The following ZNF568 variants were observed in gnomAD, a reference collection of about 807,000 sequenced individuals.
ZNF568 encodes p53 inhibitor of SCO2 activation.
Under a neutral mutation model 18.1 loss-of-function variants are expected in ZNF568, and 11 were observed. That is an observed-to-expected ratio of 0.61 (90% CI 0.38 to 1.00). The LOEUF (loss-of-function observed/expected upper bound fraction) is 1.00, where lower values mean the gene tolerates loss of function less well. Among genes scored for constraint, ZNF568 ranks in the 50% least tolerant of loss-of-function variants. The pLI is 0.01. For missense variants in ZNF568, 639 were observed against 768.2 expected, an observed-to-expected ratio of 0.83 and a Z score of 1.99; for synonymous variants, 213 against 246.6, an observed-to-expected ratio of 0.86 and a Z score of 1.28.
At chr19:36,935,121 A>G (rs776777176) in intron 4 of ZNF568, among the ~76,000 whole-genome samples, 1 of 152,046 alleles carries the variant, frequency 6.6e-6, no homozygotes, top group Non-Finnish European at 1.5e-5. Context: ...CATATTTTCT[A>G]TCTTGGAGAG....
chr19:36,922,521 G>A (rs1056141578), intron 2 of ZNF568, 65 bp from the exon 3 acceptor site: 5 of 361,404 alleles, frequency 1.4e-5, no homozygotes, highest in Non-Finnish European at 2.5e-5. Flanking sequence ...CATCTTGGAA[G>A]CTGGTTATCA....
chr19:36,977,309 T>C (rs1462701368), intron 7 of ZNF568, among the ~76,000 whole-genome samples: 3 of 152,224 alleles, frequency 2.0e-5, no homozygotes, highest in South Asian at 2.1e-4. Context: ...GGCTATAAAA[T>C]TCCAAATTTG....
intron 3 of ZNF568, among the ~76,000 whole-genome samples, chr19:36,923,187 C>T (rs1243908810): frequency 1.3e-5 from 2 of 152,112 alleles, no homozygotes; most frequent in Non-Finnish European, 2.9e-5. Context: ...TATTCACCTC[C>T]TTTTTTCTAA....
downstream of ZNF568, among the ~76,000 whole-genome samples, chr19:36,957,003 A>G (rs2074111835): frequency 6.6e-6 from 1 of 152,164 alleles, no homozygotes. Context: ...TTCCAAAACC[A>G]AAAAACATAA....
chr19:36,989,188 T>C (rs1192438375), intron 2 of ZNF568, among the ~76,000 whole-genome samples: 1 of 152,112 alleles, frequency 6.6e-6, no homozygotes, highest in Non-Finnish European at 1.5e-5. Context: ...TCTCTTTTAT[T>C]GATTGATTGA....
intron 6 of ZNF568, among the ~76,000 whole-genome samples, chr19:36,962,325 A>G (rs1179713951): frequency 4.7e-4 from 14 of 29,918 alleles, no homozygotes; most frequent in South Asian, 1.1e-3. Context: ...GACCCCCTTG[A>G]GCTTTTCTTT....
exon 5 of ZNF568, chr19:36,996,322 G>A (rs2074470929): frequency 4.6e-6 from 7 of 1,527,418 alleles, no homozygotes; most frequent in Non-Finnish European, 6.1e-6. Flanking sequence ...TGCAGATTGG[G>A]AGTTTGGAAG....
At chr19:36,997,208 C>T in exon 5 of ZNF568, 2 of 1,608,224 alleles carry the variant, frequency 1.2e-6, no homozygotes, top group Non-Finnish European at 1.7e-6. Context: ...GGTGAGAAAC[C>T]CCATGAATGT....
intron 6 of ZNF568, among the ~76,000 whole-genome samples, chr19:36,945,331 T>G (rs557080571): frequency 1.3e-5 from 2 of 151,870 alleles, no homozygotes; most frequent in Admixed American, 6.6e-5. Flanking sequence ...CATGCTGATT[T>G]TCTTACACCT....
At chr19:36,921,780 T>A (rs2073460922) in intron 2 of ZNF568, among the ~76,000 whole-genome samples, 1 of 152,192 alleles carries the variant, frequency 6.6e-6, no homozygotes. Flanking sequence ...TAAATTGCAA[T>A]TCTCCCTTAA....
At chr19:36,972,080 G>C (rs997440207) in intron 6 of ZNF568, among the ~76,000 whole-genome samples, 2 of 152,036 alleles carry the variant, frequency 1.3e-5, no homozygotes, top group African/African-American at 4.8e-5. Context: ...TGATCCGCCC[G>C]CCTTGGCCTC....
intron 2 of ZNF568, among the ~76,000 whole-genome samples, chr19:36,921,921 C>T (rs535555724): frequency 2.6e-5 from 4 of 152,244 alleles, no homozygotes; most frequent in Admixed American, 6.5e-5. Context: ...GTCACCTCAT[C>T]GAGCATACAC....
In ZNF568 at chr19:36,950,730, G is replaced by A; in HGVS notation, c.1577G>A (p.Gly526Glu). ...NLTEHEKIHT[G>E]EKPYHCNQCG... ...ACTGAACATGAGAAAATTCATACTGGAGAGAAACCTTATCATTGTAATCAA... is the reference window on the plus strand; with the variant it reads ...ACTGAACATGAGAAAATTCATACTGAAGAGAAACCTTATCATTGTAATCAA... The change falls in exon 7 of 7, where the codon GGA (glycine) becomes GAA (glutamate). Residue 526 changes from glycine (G) to glutamate (E), a missense_variant. Transcript: ENST00000333987. The A allele has an allele frequency of 6.2e-7, 1 of 1,613,682 alleles. No homozygotes were observed. Among genetic ancestry groups the A allele is most frequent in the South Asian group, 1.1e-5 (1 of 91,048 alleles).
At chr19:36,997,731 A>G (rs1272296824), downstream of ZNF568, 1 of 727,202 alleles carries the variant, frequency 1.4e-6, no homozygotes, top group African/African-American at 1.8e-5. Flanking sequence ...GAAATGAGGG[A>G]TGGCTCAGAA....
chr19:36,991,819 AG>A lies in ZNF568; in HGVS notation c.204del (p.Lys69ArgfsTer61). On this transcript the variant is annotated frameshift_variant, in exon 4 of 5. Coordinates refer to the ZNF568 transcript ENST00000433993. LOFTEE classifies it low-confidence loss of function (END_TRUNC). ...GAAGAAAGAGCCCTGGATGGTTAAG[AG>A]GAAGGAGACAAAAGAATGGTGTCCA... 1.3e-6 allele frequency: 2 copies of A among 1,578,864 alleles called. No individual in the cohort carries two copies. The highest frequency in any genetic ancestry group is 2.3e-5 in the South Asian group (2 of 88,150).
At chr19:36,971,260 TTA>T (rs2074233438) in intron 6 of ZNF568, among the ~76,000 whole-genome samples, 2 of 130,530 alleles carry the variant, frequency 1.5e-5, no homozygotes, top group East Asian at 2.0e-4. Flanking sequence ...CTTAAACTCT[TTA>T]TGTTTTTTTT....
At chr19:36,947,356 G>T (rs1360890640) in intron 6 of ZNF568, among the ~76,000 whole-genome samples, 5 of 152,088 alleles carry the variant, frequency 3.3e-5, no homozygotes, top group Non-Finnish European at 7.4e-5. Flanking sequence ...GCCAGCATCT[G>T]TTGTTCCTTT....
chr19:36,992,484 A>T (rs2074434630), intron 4 of ZNF568, among the ~76,000 whole-genome samples: 1 of 152,082 alleles, frequency 6.6e-6, no homozygotes, highest in Admixed American at 6.6e-5. Context: ...CCTGGGTGAC[A>T]AAGCGAGACT....
chr19:36,991,313 C>T (rs1270791687), intron 3 of ZNF568: 5 of 1,527,850 alleles, frequency 3.3e-6, no homozygotes, highest in Non-Finnish European at 4.4e-6. Flanking sequence ...ACTTTATCTG[C>T]CCCTCCGTAC....
Sources: allele counts gnomAD v4.1 joint callset (sites outside exome capture counted in the v4.1 genomes callset), GRCh38; gene constraint gnomAD v4.1.1; transcripts MANE v1.5; gene names NCBI Gene and HGNC (gene_info 2026-07-23, HGNC 2026-07-21).